LHFPL6: variants seen among roughly 807,000 people sequenced by gnomAD.
LHFPL6 encodes the protein LHFPL tetraspan subfamily member 6, also known as LHFPL tetraspan subfamily member 6 protein.
In LHFPL6, 9 loss-of-function variants were observed where a neutral mutation model predicts 20.6. That is an observed-to-expected ratio of 0.44 (90% CI 0.26 to 0.76). The LOEUF (loss-of-function observed/expected upper bound fraction) is 0.76. Ranked by LOEUF, LHFPL6 falls within the 30% of genes least tolerant of loss-of-function variation. LHFPL6 has a pLI of 0.20. For synonymous variants in LHFPL6, 105 were observed against 98.7 expected, an observed-to-expected ratio of 1.06 and a Z score of -0.38; for missense variants, 218 against 253.5, an observed-to-expected ratio of 0.86 and a Z score of 0.95.
intron 2 of LHFPL6, among the ~76,000 whole-genome samples, chr13:39,472,006 G>T (rs983948409): frequency 1.3e-5 from 2 of 152,106 alleles, no homozygotes; most frequent in African/African-American, 4.8e-5. Context: ...TGTTATCACA[G>T]GAAAGAAATA....
At chr13:39,425,767 C>T (rs986814049) in intron 2 of LHFPL6, among the ~76,000 whole-genome samples, 2 of 152,130 alleles carry the variant, frequency 1.3e-5, no homozygotes, top group African/African-American at 4.8e-5. Context: ...TGACGCAAGT[C>T]CTTTATCAAC....
At position 39,600,937 on chromosome 13, in the gene LHFPL6, C is replaced by G. The variant is rs753034468; in HGVS notation, c.280G>C (p.Gly94Arg). The G allele has an allele frequency of 6.2e-7, 1 of 1,603,454 alleles. No homozygotes were observed. Among genetic ancestry groups the G allele is most frequent in the Non-Finnish European group, 8.5e-7 (1 of 1,173,080 alleles). ...GTGAGCGCCACCAGGAGGAGGAGGC[C>G]ACAACCCAGGCCGGTCACTATGGTG... ...ICTIVTGLGC[G>R]LLLLVALTAL... Residue 94 changes from glycine to arginine, a missense_variant, in exon 2 of 4, where the codon GGC (glycine) becomes CGC (arginine). Coordinates refer to ENST00000379589, the MANE Select transcript of LHFPL6 (RefSeq NM_005780.3).
chr13:39,397,758 TC>T, intron 2 of LHFPL6, among the ~76,000 whole-genome samples: 1 of 152,340 alleles, frequency 6.6e-6, no homozygotes, highest in Non-Finnish European at 1.5e-5. Context: ...AGAAACTTGT[TC>T]CGGGAGCCAC....
At chr13:39,558,572 AC>A (rs1871377943) in intron 2 of LHFPL6, among the ~76,000 whole-genome samples, 1 of 152,226 alleles carries the variant, frequency 6.6e-6, no homozygotes. Flanking sequence ...TCCTCTGCTT[AC>A]CAGATGACAC....
At chr13:39,480,935 T>C (rs1188417921) in intron 2 of LHFPL6, among the ~76,000 whole-genome samples, 2 of 152,212 alleles carry the variant, frequency 1.3e-5, no homozygotes, top group Non-Finnish European at 2.9e-5. Context: ...TTATGACATA[T>C]TCATAAGAAC....
intron 2 of LHFPL6, among the ~76,000 whole-genome samples, chr13:39,550,084 C>T (rs73466856): frequency 0.017 from 2,637 of 151,980 alleles, 89 homozygotes; most frequent in African/African-American, 0.061. Flanking sequence ...TGTGAATATA[C>T]CAAAAACCAT....
At chr13:39,569,022 C>T (rs1454723709) in intron 2 of LHFPL6, among the ~76,000 whole-genome samples, 3 of 152,134 alleles carry the variant, frequency 2.0e-5, no homozygotes, top group Admixed American at 1.3e-4. Flanking sequence ...AATTGAAAAT[C>T]CTAGCAGAAT....
chr13:39,358,551 A>G (rs139314888), intron 3 of LHFPL6, among the ~76,000 whole-genome samples: 1 of 152,044 alleles, frequency 6.6e-6, no homozygotes, highest in African/African-American at 2.4e-5. Context: ...GGACCTTATT[A>G]AACTAAAGAG....
chr13:39,557,061 C>A (rs1312384431), intron 2 of LHFPL6, among the ~76,000 whole-genome samples: 1 of 152,182 alleles, frequency 6.6e-6, no homozygotes, highest in African/African-American at 2.4e-5. Flanking sequence ...CACTAAGGAG[C>A]AACCACCTGC....
intron 2 of LHFPL6, among the ~76,000 whole-genome samples, chr13:39,526,719 C>G (rs999922141): frequency 1.4e-4 from 22 of 152,340 alleles, no homozygotes; most frequent in African/African-American, 5.3e-4. Flanking sequence ...GCAGCTCACT[C>G]AGCCTTCAGA....
At chr13:39,464,126 A>G (rs1271016241) in intron 2 of LHFPL6, among the ~76,000 whole-genome samples, 2 of 152,316 alleles carry the variant, frequency 1.3e-5, no homozygotes, top group East Asian at 1.9e-4. Context: ...TGTGACTTAC[A>G]TTTCTTTTTC....
intron 3 of LHFPL6, among the ~76,000 whole-genome samples, chr13:39,370,250 T>C (rs575036841): frequency 2.0e-5 from 3 of 152,304 alleles, no homozygotes; most frequent in African/African-American, 7.2e-5. Flanking sequence ...GCCAAGTTCC[T>C]GAGTGCCCCC....
chr13:39,493,032 A>C (rs1310131213), intron 2 of LHFPL6, among the ~76,000 whole-genome samples: 1 of 152,090 alleles, frequency 6.6e-6, no homozygotes, highest in Admixed American at 6.6e-5. Context: ...CATCATGTGA[A>C]TATGCCCTAA....
intron 3 of LHFPL6, among the ~76,000 whole-genome samples, chr13:39,346,665 C>T (rs1319147782): frequency 6.6e-6 from 1 of 152,126 alleles, no homozygotes; most frequent in African/African-American, 2.4e-5. Flanking sequence ...TCATTGCTTT[C>T]TTGTCTCTCT....
chr13:39,412,956 G>T (rs1871267493), intron 2 of LHFPL6, among the ~76,000 whole-genome samples: 1 of 151,400 alleles, frequency 6.6e-6, no homozygotes, highest in Non-Finnish European at 1.5e-5. Context: ...GTAAATGGCA[G>T]CAAGGGAACC....
chr13:39,440,123 C>T (rs1461728076), intron 2 of LHFPL6, among the ~76,000 whole-genome samples: 6 of 152,104 alleles, frequency 3.9e-5, no homozygotes, highest in East Asian at 1.9e-4. Context: ...AGAGAGATCA[C>T]ATAACTGTAG....
chr13:39,370,888 A>C (rs1301853380), intron 3 of LHFPL6, among the ~76,000 whole-genome samples: 1 of 152,204 alleles, frequency 6.6e-6, no homozygotes, highest in Non-Finnish European at 1.5e-5. Context: ...TTTTTTAAAA[A>C]ATTATACTTT....
At chr13:39,401,763 C>T (rs142037613) in intron 2 of LHFPL6, among the ~76,000 whole-genome samples, 40 of 152,252 alleles carry the variant, frequency 2.6e-4, no homozygotes, top group African/African-American at 9.6e-4. Context: ...ATGGCTAGGG[C>T]ATGGGACTCA....
At chr13:39,450,773 T>G (rs951940286) in intron 2 of LHFPL6, among the ~76,000 whole-genome samples, 6 of 152,188 alleles carry the variant, frequency 3.9e-5, no homozygotes, top group Non-Finnish European at 4.4e-5. Flanking sequence ...CTCCAGCTAA[T>G]GTTATTATGG....
Sources: allele counts gnomAD v4.1 joint callset (sites outside exome capture counted in the v4.1 genomes callset), GRCh38; gene constraint gnomAD v4.1.1; transcripts MANE v1.5; gene names NCBI Gene and HGNC (gene_info 2026-07-23, HGNC 2026-07-21).